The following SEMA5A variants were observed in gnomAD, a reference collection of about 807,000 sequenced individuals.
SEMA5A encodes the protein semaphorin 5A.
In SEMA5A, 55 loss-of-function variants were observed where a neutral mutation model predicts 135.5. That is an observed-to-expected ratio of 0.41 (90% confidence interval 0.33 to 0.51). The LOEUF (loss-of-function observed/expected upper bound fraction) is 0.51, where lower values mean the gene tolerates loss of function less well. Ranked by LOEUF, SEMA5A falls within the 20% of genes least tolerant of loss-of-function variation. The pLI is 0.37. For missense variants in SEMA5A, 1,290 were observed against 1,419.9 expected, an observed-to-expected ratio of 0.91 and a Z score of 1.47; for synonymous variants, 580 against 546.5, an observed-to-expected ratio of 1.06 and a Z score of -0.85.
At chr5:9,154,127 G>GTA (rs1257153387) in intron 12 of SEMA5A, among the ~76,000 whole-genome samples, 12 of 139,804 alleles carry the variant, frequency 8.6e-5, no homozygotes, top group Admixed American at 2.9e-4. Context: ...ATGTATGTAT[G>GTA]TGTGTGTGTG....
intron 16 of SEMA5A, among the ~76,000 whole-genome samples, chr5:9,095,470 T>G (rs889720346): frequency 6.6e-6 from 1 of 152,200 alleles, no homozygotes; most frequent in Admixed American, 6.5e-5. Flanking sequence ...AGATCTGAAC[T>G]AGGCTCCAGT....
chr5:9,196,659 G>C (rs1360036415), intron 10 of SEMA5A, among the ~76,000 whole-genome samples: 1 of 152,148 alleles, frequency 6.6e-6, no homozygotes, highest in Admixed American at 6.5e-5. Context: ...ACCTCCTGCA[G>C]TTTTGTGATA....
chr5:9,518,018 G>C (rs1203383823), intron 1 of SEMA5A: 2 of 152,060 alleles, frequency 1.3e-5, no homozygotes, highest in African/African-American at 4.8e-5. Context: ...ATGGAAACCA[G>C]ACAAAAACGT....
chr5:9,238,626 A>G (rs1483273671), intron 5 of SEMA5A, among the ~76,000 whole-genome samples: 1 of 152,120 alleles, frequency 6.6e-6, no homozygotes, highest in African/African-American at 2.4e-5. Flanking sequence ...CTTGCTTTAC[A>G]GAAAGGATGC....
chr5:9,053,849 C>T, intron 19 of SEMA5A: 1 of 413,480 alleles, frequency 2.4e-6, no homozygotes, highest in Non-Finnish European at 4.2e-6. Flanking sequence ...GCCTTTAGCA[C>T]TCTCCCATTG....
Position 9,036,280 on chromosome 5 carries a change from C to T in SEMA5A, c.*6617G>A, listed in dbSNP as rs753423852. 2 of 150,046 alleles carry T rather than the reference C, an allele frequency of 1.3e-5. No homozygotes were observed. Among genetic ancestry groups the T allele is most frequent in the African/African-American group, 2.5e-5 (1 of 39,402 alleles). The allele number at this position is 150,046 out of a possible 1,614,324, so 9.3% of individuals were successfully genotyped here. The stretch of plus-strand genomic sequence containing the variant: ...CATGGTAAAAGAGAAAAACAATCAA[C>T]TTCAGCAGAGATAATACTATTACTT... On this transcript the variant is annotated 3_prime_UTR_variant, in exon 23 of 23. Coordinates refer to ENST00000382496, the MANE Select transcript of SEMA5A (RefSeq NM_003966.3).
intron 8 of SEMA5A, among the ~76,000 whole-genome samples, chr5:9,211,652 A>C (rs747642349): frequency 1.1e-4 from 17 of 152,168 alleles, no homozygotes; most frequent in Admixed American, 2.0e-4. Flanking sequence ...ACCTCTCTTC[A>C]GGACAAGCAG....
chr5:9,289,872 T>C (rs1340368758), intron 5 of SEMA5A, among the ~76,000 whole-genome samples: 1 of 152,058 alleles, frequency 6.6e-6, no homozygotes, highest in East Asian at 1.9e-4. Context: ...AAACTTCCCT[T>C]TTGGGAGTTT....
chr5:9,362,327 C>G (rs543018493), intron 3 of SEMA5A, among the ~76,000 whole-genome samples: 1 of 152,114 alleles, frequency 6.6e-6, no homozygotes, highest in Non-Finnish European at 1.5e-5. Flanking sequence ...GGAACTGTCC[C>G]TTTCTTGCTT....
chr5:9,432,361 T>A (rs1024149305), intron 2 of SEMA5A, among the ~76,000 whole-genome samples: 1 of 152,320 alleles, frequency 6.6e-6, no homozygotes, highest in South Asian at 2.1e-4. Flanking sequence ...ATCAACAATA[T>A]ACATAGAGAT....
intron 16 of SEMA5A, among the ~76,000 whole-genome samples, chr5:9,096,954 C>G (rs1034378501): frequency 2.6e-5 from 4 of 152,118 alleles, no homozygotes; most frequent in Non-Finnish European, 4.4e-5. Flanking sequence ...GACTTTTCAT[C>G]ATAGAGAGGA....
intron 6 of SEMA5A, chr5:9,237,599 A>G: frequency 8.1e-6 from 3 of 368,514 alleles, no homozygotes; most frequent in Non-Finnish European, 9.7e-6. Context: ...AGGGCAAATT[A>G]GCTCTGATCT....
At chr5:9,275,121 T>A (rs569566199) in intron 5 of SEMA5A, among the ~76,000 whole-genome samples, 25 of 151,882 alleles carry the variant, frequency 1.6e-4, no homozygotes, top group Non-Finnish European at 3.4e-4. Flanking sequence ...AAGAATCAAG[T>A]AGATGCAATA....
intron 5 of SEMA5A, among the ~76,000 whole-genome samples, chr5:9,310,652 A>G (rs1291977119): frequency 6.6e-6 from 1 of 151,844 alleles, no homozygotes; most frequent in Non-Finnish European, 1.5e-5. Context: ...GTTATATTAT[A>G]GTGTTATGAC....
In SEMA5A at chr5:9,144,553, G is replaced by A. The variant is rs906857039; in HGVS notation, c.1482-7932C>T. Among the ~76,000 whole-genome samples, 7 of 152,166 alleles carry A rather than the reference G, an allele frequency of 4.6e-5. No individual in the cohort carries two copies. The East Asian group carries it at 5.8e-4, about 13-fold the overall frequency. On this transcript the variant is annotated intron_variant, in intron 12 of 22. Transcript: ENST00000382496. ...CAGCGGGTAGTTACAGCAAGTGTGA[G>A]GTCTGCCTTGAATGTGGATTCTCTG... is the stretch of plus-strand genomic sequence containing the variant.
At chr5:9,194,676 G>C (rs965521364) in intron 10 of SEMA5A, among the ~76,000 whole-genome samples, 1 of 152,222 alleles carries the variant, frequency 6.6e-6, no homozygotes, top group Non-Finnish European at 1.5e-5. Flanking sequence ...ACCATAATCT[G>C]TAACTTGAGC....
intron 1 of SEMA5A, among the ~76,000 whole-genome samples, chr5:9,439,554 C>T (rs1009605263): frequency 6.6e-6 from 1 of 152,184 alleles, no homozygotes; most frequent in South Asian, 2.1e-4. Context: ...CCTGCCTCCC[C>T]CAGTGAGGTC....
intron 4 of SEMA5A, among the ~76,000 whole-genome samples, chr5:9,320,324 T>C (rs540012683): frequency 7.0e-4 from 107 of 152,180 alleles, no homozygotes; most frequent in Non-Finnish European, 1.2e-3. Context: ...CAGCCCTCTA[T>C]GTAGAACCAG....
intron 1 of SEMA5A, among the ~76,000 whole-genome samples, chr5:9,497,784 ACT>A (rs1735379123): frequency 6.6e-6 from 1 of 152,244 alleles, no homozygotes; most frequent in African/African-American, 2.4e-5. Flanking sequence ...GCTGTTAACC[ACT>A]AGGTTGATTT....
Sources: allele counts gnomAD v4.1 joint callset (sites outside exome capture counted in the v4.1 genomes callset), GRCh38; gene constraint gnomAD v4.1.1; transcripts MANE v1.5; gene names NCBI Gene and HGNC (gene_info 2026-07-23, HGNC 2026-07-21).